KCNJ15: variants seen among roughly 807,000 people sequenced by gnomAD.
The protein encoded by KCNJ15 is ATP-sensitive inward rectifier potassium channel 15.
Under a neutral mutation model 23.0 loss-of-function variants are expected in KCNJ15, and 14 were observed. The ratio of observed to expected loss-of-function variants is 0.61; its 90% CI spans 0.40 to 0.95. KCNJ15 has a LOEUF of 0.95. Among genes scored for constraint, KCNJ15 ranks in the 40% least tolerant of loss-of-function variants. The probability of loss-of-function intolerance (pLI) is 0.00; values close to 1 mark genes in which losing one functional copy is unlikely to be tolerated. For missense variants in KCNJ15, 388 were observed against 461.8 expected, an observed-to-expected ratio of 0.84 and a Z score of 1.46; for synonymous variants, 185 against 183.2, an observed-to-expected ratio of 1.01 and a Z score of -0.08.
intron 1 of KCNJ15, among the ~76,000 whole-genome samples, chr21:38,295,211 A>G (rs1340884059): frequency 6.6e-6 from 1 of 152,204 alleles, no homozygotes; most frequent in Non-Finnish European, 1.5e-5. Context: ...ACAACATTCT[A>G]TTTAGAGCAT....
At chr21:38,238,656 G>A (rs2836232) in intron 1 of KCNJ15, 17,377 of 557,890 alleles carry the variant, frequency 0.031, 1,115 homozygotes, top group African/African-American at 0.19. Flanking sequence ...CGGAATTGGC[G>A]CTGGGCTCTG....
At chr21:38,297,105 T>A (rs1985241648) in intron 2 of KCNJ15, 82 bp downstream of exon 2, 1 of 152,800 alleles carries the variant, frequency 6.5e-6, no homozygotes, top group Non-Finnish European at 1.5e-5. Context: ...GACTGCTGAG[T>A]GCCAGCTGCT....
intron 1 of KCNJ15, chr21:38,272,473 T>A (rs1982211068): frequency 6.6e-6 from 1 of 152,236 alleles, no homozygotes; most frequent in Non-Finnish European, 1.5e-5. Context: ...TTCCCCCTGC[T>A]GAGTCAGTTC....
intron 1 of KCNJ15, among the ~76,000 whole-genome samples, chr21:38,292,833 A>G (rs1569014730): frequency 6.6e-6 from 1 of 151,816 alleles, no homozygotes; most frequent in Non-Finnish European, 1.5e-5. Flanking sequence ...GCCAGGCGTA[A>G]TGGCGGGTGC....
chr21:38,300,208 C>T lies in KCNJ15; in HGVS notation c.947C>T (p.Ser316Phe), dbSNP rs1985640974. The T allele has an allele frequency of 1.2e-6, 2 of 1,614,028 alleles. No homozygotes were observed. The highest frequency in any genetic ancestry group is 1.7e-5 in the Admixed American group (1 of 59,996). ...YWGFEFVPVV[S>F]LSKNGKYVAD... ...GGTTTTGAGTTTGTGCCTGTGGTAT[C>T]TCTCTCCAAAAATGGAAAATATGTG... Residue 316 changes from serine to phenylalanine, a missense_variant, in exon 3 of 3, where the codon TCT becomes TTT. Transcript: ENST00000398938.
intron 1 of KCNJ15, among the ~76,000 whole-genome samples, chr21:38,276,029 T>C (rs1982653758): frequency 6.6e-6 from 1 of 152,162 alleles, no homozygotes; most frequent in Admixed American, 6.5e-5. Flanking sequence ...TCCTTGTCTT[T>C]AAGCAGCTTA....
At chr21:38,259,376 T>C (rs1165578982) in intron 1 of KCNJ15, among the ~76,000 whole-genome samples, 1 of 152,220 alleles carries the variant, frequency 6.6e-6, no homozygotes, top group Non-Finnish European at 1.5e-5. Context: ...GAATGCTTGT[T>C]GAAGGCATAT....
intron 1 of KCNJ15, among the ~76,000 whole-genome samples, chr21:38,276,715 T>C (rs993302887): frequency 1.3e-5 from 2 of 152,140 alleles, no homozygotes; most frequent in Non-Finnish European, 2.9e-5. Flanking sequence ...GAACCTAAAA[T>C]AAAAGTTTAA....
upstream of KCNJ15, among the ~76,000 whole-genome samples, chr21:38,253,915 AG>A (rs1323927611): frequency 4.6e-5 from 7 of 152,202 alleles, no homozygotes; most frequent in Non-Finnish European, 7.3e-5. Flanking sequence ...CTTACTGAAT[AG>A]TCATTTATAT....
chr21:38,295,710 G>C (rs1307156272), intron 1 of KCNJ15, among the ~76,000 whole-genome samples: 3 of 152,078 alleles, frequency 2.0e-5, no homozygotes, highest in Non-Finnish European at 4.4e-5. Flanking sequence ...ATAACCTAAG[G>C]CAGTAACATA....
chr21:38,244,767 T>C (rs186321559), intron 1 of KCNJ15, among the ~76,000 whole-genome samples: 2 of 152,294 alleles, frequency 1.3e-5, no homozygotes, highest in East Asian at 3.9e-4. Flanking sequence ...CTGGAAAACC[T>C]TGTCTCCTCC....
At chr21:38,278,904 G>A (rs1466146022) in intron 1 of KCNJ15, among the ~76,000 whole-genome samples, 4 of 152,204 alleles carry the variant, frequency 2.6e-5, no homozygotes, top group Non-Finnish European at 5.9e-5. Flanking sequence ...ACTAAGCTGG[G>A]CGGCAGAGTG....
At chr21:38,244,015 A>G (rs886405059) in intron 1 of KCNJ15, among the ~76,000 whole-genome samples, 5 of 152,234 alleles carry the variant, frequency 3.3e-5, no homozygotes, top group Admixed American at 6.5e-5. Flanking sequence ...ATATGAATAA[A>G]GATTTGCTAA....
Position 38,279,138 on chromosome 21 carries a change from C to T in KCNJ15, c.-116-17788C>T, listed in dbSNP as rs182243045. 6.0e-4 allele frequency among the ~76,000 whole-genome samples: 91 copies of T among 151,904 alleles called. 1 individual carries two copies. The highest frequency in any genetic ancestry group is 3.4e-3 in the Middle Eastern group (1 of 292). Reference sequence around the variant, plus strand: ...GCTTCAAGGGATGTTGGGGTAGACTCGGGGTGCTGAGTATTTTTCAGTGCC... The same window carrying T: ...GCTTCAAGGGATGTTGGGGTAGACTTGGGGTGCTGAGTATTTTTCAGTGCC... On this transcript the variant is annotated intron_variant, in intron 1 of 2. Coordinates refer to ENST00000398938, the MANE Select transcript of KCNJ15 (RefSeq NM_170736.3).
intron 1 of KCNJ15, among the ~76,000 whole-genome samples, chr21:38,263,009 C>T (rs554813022): frequency 4.6e-5 from 7 of 152,212 alleles, no homozygotes; most frequent in Non-Finnish European, 1.0e-4. Flanking sequence ...CTCCTTAAAA[C>T]GAGTTGGATA....
chr21:38,270,883 T>C (rs1015776649), intron 1 of KCNJ15, among the ~76,000 whole-genome samples: 2 of 152,264 alleles, frequency 1.3e-5, no homozygotes, highest in Admixed American at 1.3e-4. Context: ...GTAACTGTTC[T>C]ACCTGGGTCA....
intron 1 of KCNJ15, among the ~76,000 whole-genome samples, chr21:38,230,564 CTT>C (rs1381379859): frequency 3.3e-5 from 5 of 151,968 alleles, no homozygotes; most frequent in African/African-American, 4.8e-5. Context: ...ATTTTTCTCT[CTT>C]GTCAGTTTTT....
intron 1 of KCNJ15, among the ~76,000 whole-genome samples, chr21:38,268,550 GAAAAAAAA>G (rs576709021): frequency 8.5e-5 from 4 of 47,276 alleles, no homozygotes; most frequent in East Asian, 5.6e-4. Context: ...CTTAAAATCT[GAAAAAAAA>G]AAAAAAAAAA....
chr21:38,297,743 G>C (rs1985307618), intron 2 of KCNJ15, among the ~76,000 whole-genome samples: 1 of 152,092 alleles, frequency 6.6e-6, no homozygotes, highest in South Asian at 2.1e-4. Context: ...TTTGCTTCAA[G>C]GTAAACAAAT....
Sources: allele counts gnomAD v4.1 joint callset (sites outside exome capture counted in the v4.1 genomes callset), GRCh38; gene constraint gnomAD v4.1.1; transcripts MANE v1.5; gene names NCBI Gene and HGNC (gene_info 2026-07-23, HGNC 2026-07-21).